The following SERPINI1 variants were observed in gnomAD, a reference collection of about 807,000 sequenced individuals.
The protein encoded by SERPINI1 is serpin family I member 1.
In SERPINI1, 19 loss-of-function variants were observed where a neutral mutation model predicts 41.1. The observed-to-expected ratio is 0.46, with a 90% CI of 0.32 to 0.68. SERPINI1 has a LOEUF of 0.68. Ranked by LOEUF, SERPINI1 falls within the 30% of genes least tolerant of loss-of-function variation. The pLI is 0.03. For synonymous variants in SERPINI1, 138 were observed against 156.6 expected (o/e 0.88, Z 0.89); for missense variants, 460 against 479.2 (o/e 0.96, Z 0.37).
At chr3:167,744,697 TAA>T (rs1559992869) in intron 1 of SERPINI1, among the ~76,000 whole-genome samples, 11 of 123,378 alleles carry the variant, frequency 8.9e-5, no homozygotes, top group African/African-American at 4.0e-4. Context: ...TAAACATATA[TAA>T]ATATATATAA....
At chr3:167,816,501 G>A (rs1224080621) in intron 6 of SERPINI1, among the ~76,000 whole-genome samples, 1 of 152,174 alleles carries the variant, frequency 6.6e-6, no homozygotes, top group Admixed American at 6.5e-5. Flanking sequence ...GTCTATGACA[G>A]TATACTGGGT....
In SERPINI1 at chr3:167,824,492, G is replaced by A; in HGVS notation, c.1086G>A (p.Arg362=). 6.2e-7 allele frequency: 1 copy of A among 1,613,344 alleles called. No individual in the cohort carries two copies. The highest frequency in any genetic ancestry group is 8.5e-7 in the Non-Finnish European group (1 of 1,179,544). Residue 362 remains arginine (R), a synonymous_variant, in exon 8 of 9, where the codon AGG becomes AGA. Coordinates refer to ENST00000446050, the MANE Select transcript of SERPINI1 (RefSeq NM_001122752.2). The part of the protein sequence containing the change: ...AAVSGMIAIS[R]MAVLYPQVIV... ...CTGTAGGAATGATTGCAATTAGTAGGATGGCTGTGCTGTATCCTCAAGTTA... is the reference window on the plus strand; with the variant it reads ...CTGTAGGAATGATTGCAATTAGTAGAATGGCTGTGCTGTATCCTCAAGTTA...
chr3:167,799,621 G>C (rs1413740778), intron 5 of SERPINI1, among the ~76,000 whole-genome samples: 1 of 152,276 alleles, frequency 6.6e-6, no homozygotes, highest in East Asian at 1.9e-4. Context: ...TTGCCACACT[G>C]TCTTCCACAA....
chr3:167,794,229 T>C (rs1272374889), intron 4 of SERPINI1, among the ~76,000 whole-genome samples: 3 of 152,126 alleles, frequency 2.0e-5, no homozygotes, highest in African/African-American at 4.8e-5. Flanking sequence ...TGAATACATG[T>C]TATTATAAAT....
intron 1 of SERPINI1, among the ~76,000 whole-genome samples, chr3:167,739,587 T>C (rs1405503931): frequency 2.6e-5 from 4 of 152,238 alleles, no homozygotes; most frequent in Non-Finnish European, 5.9e-5. Flanking sequence ...CTTAAGGTCT[T>C]AATTTCACAG....
intron 1 of SERPINI1, among the ~76,000 whole-genome samples, chr3:167,760,342 A>G (rs1726336906): frequency 7.0e-6 from 1 of 142,458 alleles, no homozygotes; most frequent in African/African-American, 2.8e-5. Context: ...TGGATAACTA[A>G]TTTCAAATAT....
intron 6 of SERPINI1, among the ~76,000 whole-genome samples, chr3:167,809,496 A>T (rs1711789992): frequency 6.6e-6 from 1 of 152,180 alleles, no homozygotes; most frequent in Non-Finnish European, 1.5e-5. Context: ...ATAATTTCTA[A>T]CATATTTGGA....
intron 1 of SERPINI1, among the ~76,000 whole-genome samples, chr3:167,767,440 A>G (rs1455455792): frequency 6.6e-6 from 1 of 152,164 alleles, no homozygotes; most frequent in Non-Finnish European, 1.5e-5. Context: ...CATGCCTACT[A>G]ACCTGGAATC....
At chr3:167,783,189 T>A (rs1727197167) in intron 1 of SERPINI1, among the ~76,000 whole-genome samples, 1 of 152,038 alleles carries the variant, frequency 6.6e-6, no homozygotes, top group African/African-American at 2.4e-5. Flanking sequence ...TGAGATACAT[T>A]GAGAGGAAGA....
At chr3:167,823,581 G>A (rs377152506) in intron 7 of SERPINI1, among the ~76,000 whole-genome samples, 11 of 152,132 alleles carry the variant, frequency 7.2e-5, no homozygotes, top group African/African-American at 2.7e-4. Flanking sequence ...ATCACCTGAA[G>A]CATTTATCAT....
chr3:167,823,090 C>T lies in SERPINI1; in HGVS notation c.1066+18C>T. ...TGTCTCAGGTACTGTTTGCTAGAAT[C>T]TTCTCCCCTCTTCTAGATTTGTATT... On this transcript the variant is annotated intron_variant, in intron 7 of 8. Transcript: ENST00000446050. 1.4e-6 allele frequency: 2 copies of T among 1,448,064 alleles called. No homozygotes were observed. Among genetic ancestry groups the T allele is most frequent in the Non-Finnish European group, 1.9e-6 (2 of 1,028,332 alleles). The allele number at this position is 1,448,064 out of a possible 1,614,324, so 89.7% of individuals were successfully genotyped here. A position where few individuals can be genotyped will look rare whatever the true frequency, so the allele number is the denominator to read the frequency against.
rs1324116340 is a variant in SERPINI1, at chr3:167,735,747, G to A, written c.-95G>A. 1.3e-5 allele frequency: 2 copies of A among 152,366 alleles called. No homozygotes were observed. Among genetic ancestry groups the A allele is most frequent in the Admixed American group, 6.5e-5 (1 of 15,286 alleles). The allele number at this position is 152,366 out of a possible 1,614,324, so 9.4% of individuals were successfully genotyped here. The stretch of plus-strand genomic sequence containing the variant: ...TAGTTTCCCGGGAGAGACGAAAGCA[G>A]GAACGAGAGCGGAGCGGAGCACAGT... On this transcript the variant is annotated 5_prime_UTR_variant, in exon 1 of 9. Transcript: ENST00000446050.
intron 1 of SERPINI1, among the ~76,000 whole-genome samples, chr3:167,781,334 T>C (rs1727118616): frequency 6.6e-6 from 1 of 152,154 alleles, no homozygotes; most frequent in Non-Finnish European, 1.5e-5. Context: ...AGTAGTAATT[T>C]TTATGAGTTC....
intron 1 of SERPINI1, among the ~76,000 whole-genome samples, chr3:167,782,011 A>C (rs1027780972): frequency 1.6e-4 from 24 of 152,178 alleles, no homozygotes; most frequent in African/African-American, 5.5e-4. Flanking sequence ...GAGAAATGCA[A>C]GAATTAAGGA....
At position 167,758,280 on chromosome 3, in the gene SERPINI1, G is replaced by A. The variant is rs1233657922; in HGVS notation, c.-19+22457G>A. On this transcript the variant is annotated intron_variant, in intron 1 of 8. Coordinates refer to ENST00000446050, the MANE Select transcript of SERPINI1 (RefSeq NM_001122752.2). ...GATTTTTAACAAGACATTGATCTAT[G>A]TGAGTTGGACCATCTAAAAAGTCCA... 2.0e-5 allele frequency among the ~76,000 whole-genome samples: 3 copies of A among 152,126 alleles called. No homozygotes were observed. The East Asian group carries it at 5.8e-4, about 29-fold the overall frequency.
At chr3:167,765,403 C>G (rs1288969840) in intron 1 of SERPINI1, among the ~76,000 whole-genome samples, 2 of 152,246 alleles carry the variant, frequency 1.3e-5, no homozygotes, top group East Asian at 3.9e-4. Flanking sequence ...AGCCACAGCC[C>G]AAGCTCTACA....
chr3:167,768,390 T>G (rs1211695531), intron 1 of SERPINI1, among the ~76,000 whole-genome samples: 1 of 152,206 alleles, frequency 6.6e-6, no homozygotes. Flanking sequence ...TTATATACAG[T>G]GGAAAACCAA....
At chr3:167,801,113 C>T (rs1051416066) in intron 5 of SERPINI1, among the ~76,000 whole-genome samples, 1 of 152,210 alleles carries the variant, frequency 6.6e-6, no homozygotes, top group Non-Finnish European at 1.5e-5. Context: ...CCACTGCACC[C>T]GGCCCTGATT....
At chr3:167,737,619 T>C (rs554149462) in intron 1 of SERPINI1, among the ~76,000 whole-genome samples, 8 of 152,164 alleles carry the variant, frequency 5.3e-5, no homozygotes, top group Non-Finnish European at 7.4e-5. Context: ...TAAAACTGAA[T>C]AATTGCTGTC....
Sources: allele counts gnomAD v4.1 joint callset (sites outside exome capture counted in the v4.1 genomes callset), GRCh38; gene constraint gnomAD v4.1.1; transcripts MANE v1.5; gene names NCBI Gene and HGNC (gene_info 2026-07-23, HGNC 2026-07-21).